Variants in ST18 observed in about 807,000 individuals in gnomAD.
The protein encoded by ST18 is suppression of tumorigenicity 18 protein.
In ST18, 50 loss-of-function variants were observed where a neutral mutation model predicts 110.0. That is an observed-to-expected ratio of 0.45 (90% CI 0.36 to 0.58). ST18 has a LOEUF of 0.58. Among genes scored for constraint, ST18 ranks in the 20% least tolerant of loss-of-function variants. The pLI is 0.00. For synonymous variants in ST18, 461 were observed against 452.4 expected, an observed-to-expected ratio of 1.02 and a Z score of -0.24; for missense variants, 1,306 against 1,280.1, an observed-to-expected ratio of 1.02 and a Z score of -0.31.
At chr8:52,215,379 A>G (rs142374371) in intron 6 of ST18, among the ~76,000 whole-genome samples, 1 of 152,290 alleles carries the variant, frequency 6.6e-6, no homozygotes, top group East Asian at 1.9e-4. Context: ...ACTATAGTCT[A>G]TTGAGACAAA....
chr8:52,208,073 T>C (rs1475950062), intron 8 of ST18, among the ~76,000 whole-genome samples: 2 of 152,194 alleles, frequency 1.3e-5, no homozygotes, highest in African/African-American at 4.8e-5. Context: ...TGGTTATAAA[T>C]TGCTTTTTTA....
intron 9 of ST18, among the ~76,000 whole-genome samples, chr8:52,176,289 C>T (rs948000045): frequency 6.6e-6 from 1 of 152,136 alleles, no homozygotes; most frequent in African/African-American, 2.4e-5. Flanking sequence ...TCCCAAAGTG[C>T]TGGGTTACAG....
intron 15 of ST18, 37 bp from the exon 16 acceptor site, chr8:52,150,014 G>T (rs1563702831): frequency 3.8e-6 from 6 of 1,588,990 alleles, no homozygotes; most frequent in Non-Finnish European, 5.1e-6. Context: ...CATTTAAGCA[G>T]TTTGCAGTTA....
At chr8:52,271,764 A>C (rs1181948268) in intron 2 of ST18, among the ~76,000 whole-genome samples, 1 of 152,216 alleles carries the variant, frequency 6.6e-6, no homozygotes, top group Non-Finnish European at 1.5e-5. Flanking sequence ...AGTGTTTAAT[A>C]CTGAGAAGAA....
At chr8:52,199,985 T>C (rs556781449) in intron 8 of ST18, among the ~76,000 whole-genome samples, 67 of 152,348 alleles carry the variant, frequency 4.4e-4, no homozygotes, top group African/African-American at 1.6e-3. Flanking sequence ...ATTACCGCAA[T>C]GTGTTTTCAT....
intron 2 of ST18, among the ~76,000 whole-genome samples, chr8:52,250,365 G>A (rs753517626): frequency 1.0e-4 from 14 of 139,170 alleles, no homozygotes; most frequent in South Asian, 2.3e-4. Flanking sequence ...TTTACCAACC[G>A]CTAGGTCCCT....
Position 52,172,526 on chromosome 8 carries a change from G to C in ST18, c.335C>G (p.Ser112Cys). 2 of 1,610,626 alleles carry C rather than the reference G, an allele frequency of 1.2e-6. No individual in the cohort carries two copies. Among genetic ancestry groups the C allele is most frequent in the South Asian group, 2.2e-5 (2 of 89,870 alleles). ...ESLLSTAQEN[S>C]SRKEDRYSCY... ...AGAGTATCTGTCTTCCTTCCTACTG[G>C]AGTTTTCTTGTGCAGTTGAAAGAAG... The change falls in exon 10 of 26, where the codon TCC (serine) becomes TGC (cysteine). Residue 112 changes from serine (S) to cysteine (C), a missense_variant. Transcript: ENST00000689386.
intron 18 of ST18, 66 bp downstream of exon 18, chr8:52,137,355 T>G: frequency 1.3e-6 from 2 of 1,536,614 alleles, no homozygotes; most frequent in African/African-American, 1.4e-5. Flanking sequence ...ATAGAAAGGG[T>G]GAGAATAAGT....
At chr8:52,152,207 C>T (rs1046490424) in intron 15 of ST18, among the ~76,000 whole-genome samples, 5 of 152,170 alleles carry the variant, frequency 3.3e-5, no homozygotes, top group Admixed American at 2.6e-4. Context: ...ATGCCTTCAA[C>T]AATTACATGC....
intron 22 of ST18, 55 bp downstream of exon 22, chr8:52,131,903 C>G (rs2049769719): frequency 6.3e-7 from 1 of 1,575,164 alleles, no homozygotes; most frequent in East Asian, 2.2e-5. Flanking sequence ...CCCAAGGCAG[C>G]CTAGGCGACA....
chr8:52,205,950 GATTTATTA>G (rs2079882209), intron 8 of ST18, among the ~76,000 whole-genome samples: 1 of 152,126 alleles, frequency 6.6e-6, no homozygotes, highest in East Asian at 1.9e-4. Context: ...TTTTCAGCTT[GATTTATTA>G]ATTTATTGAT....
chr8:52,266,677 G>A (rs936660666), intron 2 of ST18, among the ~76,000 whole-genome samples: 1 of 151,952 alleles, frequency 6.6e-6, no homozygotes, highest in Non-Finnish European at 1.5e-5. Flanking sequence ...GAGTAACTGG[G>A]ATTACAGGCA....
At chr8:52,346,230 T>G (rs894880535) in intron 2 of ST18, among the ~76,000 whole-genome samples, 1 of 150,860 alleles carries the variant, frequency 6.6e-6, no homozygotes, top group African/African-American at 2.4e-5. Context: ...ATAAGAGGAC[T>G]CTCTGAAAAT....
At chr8:52,161,014 T>C (rs1273566536) in intron 14 of ST18, among the ~76,000 whole-genome samples, 1 of 152,198 alleles carries the variant, frequency 6.6e-6, no homozygotes, top group Non-Finnish European at 1.5e-5. Context: ...TCAATACAAA[T>C]AAATATTACT....
At chr8:52,360,012 A>G (rs1420672127) in intron 2 of ST18, among the ~76,000 whole-genome samples, 1 of 152,164 alleles carries the variant, frequency 6.6e-6, no homozygotes, top group Non-Finnish European at 1.5e-5. Flanking sequence ...GTAATTTTCA[A>G]ACTTCTTATT....
chr8:52,328,493 A>G (rs1807544478), intron 2 of ST18, among the ~76,000 whole-genome samples: 1 of 152,212 alleles, frequency 6.6e-6, no homozygotes, highest in Non-Finnish European at 1.5e-5. Flanking sequence ...ATGGATGTGA[A>G]CCATGATTCA....
intron 2 of ST18, among the ~76,000 whole-genome samples, chr8:52,339,155 G>A (rs1459753716): frequency 1.3e-5 from 2 of 152,096 alleles, no homozygotes; most frequent in East Asian, 1.9e-4. Flanking sequence ...GCTGTGGCAG[G>A]GTTCACTCCT....
At chr8:52,148,730 G>C (rs1346562558) in intron 16 of ST18, among the ~76,000 whole-genome samples, 1 of 151,468 alleles carries the variant, frequency 6.6e-6, no homozygotes, top group Admixed American at 6.6e-5. Flanking sequence ...GGGAGCGATG[G>C]GAAGGGAAGG....
chr8:52,326,373 C>T (rs1339941300), intron 2 of ST18, among the ~76,000 whole-genome samples: 5 of 152,068 alleles, frequency 3.3e-5, no homozygotes, highest in African/African-American at 7.2e-5. Context: ...CAACTTTAGG[C>T]GCCACCATGT....
Sources: allele counts gnomAD v4.1 joint callset (sites outside exome capture counted in the v4.1 genomes callset), GRCh38; gene constraint gnomAD v4.1.1; transcripts MANE v1.5; gene names NCBI Gene and HGNC (gene_info 2026-07-23, HGNC 2026-07-21).